OVCH2: variants seen among roughly 807,000 people sequenced by gnomAD.
The protein encoded by OVCH2 is ovochymase-2.
Under a neutral mutation model 73.7 loss-of-function variants are expected in OVCH2, and 88 were observed. The ratio of observed to expected loss-of-function variants is 1.19; its 90% CI spans 1.01 to 1.43. OVCH2 has a LOEUF of 1.43. Among genes scored for constraint, OVCH2 ranks in the 40% most tolerant of loss-of-function variants. The pLI, the probability that OVCH2 is intolerant of heterozygous loss-of-function variation, is 0.00. For synonymous variants in OVCH2, 265 were observed against 234.5 expected (o/e 1.13, Z -1.19); for missense variants, 706 against 674.5 (o/e 1.05, Z -0.52).
chr11:7,696,733 A>G lies in OVCH2; in HGVS notation c.992T>C (p.Leu331Pro), dbSNP rs1209970953. Residue 331 changes from leucine to proline, a missense_variant, in exon 9 of 16, where the codon CTC becomes CCC. Transcript: ENST00000533663. Reference sequence around the variant, plus strand: ...CTGCTTGCTCTCATAATATAGGTGGAGGCTTTCTGGGAAGTGCAGCTTCCC... The same window carrying G: ...CTGCTTGCTCTCATAATATAGGTGGGGGCTTTCTGGGAAGTGCAGCTTCCC... Reference protein sequence around the residue: ...AEGKLHFPESLHLYYESKQRC... With the variant: ...AEGKLHFPESPHLYYESKQRC... 6.2e-7 allele frequency: 1 copy of G among 1,613,578 alleles called. No homozygotes were observed. Among genetic ancestry groups the G allele is most frequent in the East Asian group, 2.2e-5 (1 of 44,860 alleles).
At chr11:7,684,190 A>T in the OVCH2 span, among the ~76,000 whole-genome samples, 1 of 152,098 alleles carries the variant, frequency 6.6e-6, no homozygotes, top group Non-Finnish European at 1.5e-5. Flanking sequence ...ACCTTTCTTG[A>T]CCATCAAAAA....
downstream of OVCH2, among the ~76,000 whole-genome samples, chr11:7,687,338 T>TAATAAA (rs1555012746): frequency 2.0e-5 from 3 of 147,054 alleles, no homozygotes; most frequent in Admixed American, 6.9e-5. Context: ...ATAATAATAA[T>TAATAAA]AATAAAGCCT....
chr11:7,684,549 G>A (rs1157650293), downstream of OVCH2, among the ~76,000 whole-genome samples: 6 of 143,252 alleles, frequency 4.2e-5, no homozygotes, highest in East Asian at 2.1e-4. Flanking sequence ...TGTGTATTAC[G>A]GTTCTTAAAT....
rs1268457135 is a variant in OVCH2 at position 7,691,341 on chromosome 11, T to G, written c.1567A>C (p.Ile523Leu). The G allele has an allele frequency of 6.8e-6, 11 of 1,613,772 alleles. No individual in the cohort carries two copies. Among genetic ancestry groups the G allele is most frequent in the Non-Finnish European group, 9.3e-6 (11 of 1,179,862 alleles). ...CCGTTTTCATCTGATTGGAAGCTGATGAGCATGATGCTGGAGGGGCTCAGC... is the reference window on the plus strand; with the variant it reads ...CCGTTTTCATCTGATTGGAAGCTGAGGAGCATGATGCTGGAGGGGCTCAGC... ...PVLSPSSIML[I>L]SFQSDENGTC... Residue 523 changes from isoleucine to leucine, a missense_variant, in exon 14 of 16, where the codon ATC becomes CTC. Ile to Leu is a conservative substitution (Grantham distance 5, BLOSUM62 2). Coordinates refer to ENST00000533663, the MANE Select transcript of OVCH2 (RefSeq NM_198185.7).
downstream of OVCH2, among the ~76,000 whole-genome samples, chr11:7,688,443 C>T (rs544639907): frequency 8.5e-5 from 13 of 152,132 alleles, no homozygotes; most frequent in African/African-American, 2.2e-4. Flanking sequence ...CCCTGGTGGC[C>T]GAGAGAAGGA....
intron 5 of OVCH2, 103 bp from the exon 6 acceptor site, chr11:7,701,578 T>C (rs1856438440): frequency 4.0e-6 from 6 of 1,487,472 alleles, no homozygotes; most frequent in East Asian, 2.4e-5. Flanking sequence ...CTTGAATTTC[T>C]AAGTACAATG....
intron 6 of OVCH2, 57 bp downstream of exon 6, chr11:7,701,267 A>C: frequency 2.6e-6 from 4 of 1,539,780 alleles, no homozygotes; most frequent in Non-Finnish European, 3.5e-6. Flanking sequence ...AACTAGAAGA[A>C]AACAAAACCA....
Position 7,691,278 on chromosome 11 carries a change from G to A in OVCH2, c.1630C>T (p.Pro544Ser). The A allele has an allele frequency of 6.2e-7, 1 of 1,611,270 alleles. No homozygotes were observed. Among genetic ancestry groups the A allele is most frequent in the South Asian group, 1.1e-5 (1 of 90,482 alleles). The part of the protein sequence containing the change: ...RGFQATVSFI[P>S]KAVYPDLNIS... The stretch of plus-strand genomic sequence containing the variant: ...AACTCTATCTTCTTACCTGCTTTAG[G>A]AATGAAGGAGACTGTAGCCTGAAAG... Residue 544 changes from proline to serine, a missense_variant, in exon 14 of 16, where the codon CCT (proline) becomes TCT (serine). Physicochemically the swap from Pro to Ser is moderately conservative, Grantham distance 74. Transcript: ENST00000533663.
chr11:7,706,444 A>G lies in OVCH2; in HGVS notation c.-50T>C. ...AAATTTTAGAGAGACTAAAGCAAAC[A>G]AAAATAGGAAGCCTTGAGAGACCAG... On this transcript the variant is annotated 5_prime_UTR_variant, in exon 1 of 16. Transcript: ENST00000533663. 1 of 1,525,132 alleles carries G rather than the reference A, an allele frequency of 6.6e-7. No homozygotes were observed. The highest frequency in any genetic ancestry group is 8.8e-7 in the Non-Finnish European group (1 of 1,139,256). 94.5% of individuals were successfully genotyped at this position (1,525,132 alleles called of 1,614,324 possible). A position where few individuals can be genotyped will look rare whatever the true frequency, so the allele number is the denominator to read the frequency against.
Position 7,701,797 on chromosome 11 carries a change from G to GC in OVCH2, c.477dup (p.Pro160AlafsTer12). 2 of 1,611,070 alleles carry GC rather than the reference G, an allele frequency of 1.2e-6. No homozygotes were observed. On this transcript the variant is annotated frameshift_variant, in exon 5 of 16. Coordinates refer to ENST00000533663, the MANE Select transcript of OVCH2 (RefSeq NM_198185.7). LOFTEE classifies it high-confidence loss of function. ...TCCCGCAGCTCTGGAAGACATATGG[G>GC]CCCCACAAAGTGGCCTGAAGAAAAG...
Position 7,691,299 on chromosome 11 carries a change from G to A in OVCH2, c.1609C>T (p.Gln537Ter). The A allele has an allele frequency of 6.2e-7, 1 of 1,613,534 alleles. No individual in the cohort carries two copies. The highest frequency in any genetic ancestry group is 8.5e-7 in the Non-Finnish European group (1 of 1,179,750). Residue 537 changes from glutamine (Q) to a stop codon, truncating the protein, a stop_gained, in exon 14 of 16, where the codon CAG becomes TAG. Coordinates refer to ENST00000533663, the MANE Select transcript of OVCH2 (RefSeq NM_198185.7). LOFTEE classifies it high-confidence loss of function. ...SDENGTCRGFQATVSFIPKAV... is the reference protein window; with the variant it reads ...SDENGTCRGF Reference sequence around the variant, plus strand: ...TTAGGAATGAAGGAGACTGTAGCCTGAAAGCCCCTGCAGGTCCCGTTTTCA... The same window carrying A: ...TTAGGAATGAAGGAGACTGTAGCCTAAAAGCCCCTGCAGGTCCCGTTTTCA...
intron 12 of OVCH2, among the ~76,000 whole-genome samples, chr11:7,694,618 T>TTTTG (rs915346186): frequency 4.3e-5 from 1 of 23,474 alleles, no homozygotes; most frequent in African/African-American, 1.3e-4. Context: ...TTTTGTTTTG[T>TTTTG]TTTGTTTTGT....
chr11:7,690,653 AC>A, intron 14 of OVCH2, among the ~76,000 whole-genome samples: 1 of 152,276 alleles, frequency 6.6e-6, no homozygotes, highest in East Asian at 1.9e-4. Context: ...GTGAAGAGTG[AC>A]AAAAAATACA....
At chr11:7,684,487 T>TATACAC (rs148272247), downstream of OVCH2, among the ~76,000 whole-genome samples, 7 of 143,426 alleles carry the variant, frequency 4.9e-5, no homozygotes, top group East Asian at 2.0e-4. Context: ...TATATATATA[T>TATACAC]ACACACACAT....
chr11:7,689,515 CTCTG>C lies in OVCH2; in HGVS notation c.*115_*118del, dbSNP rs1856179389. The C allele has an allele frequency of 2.5e-6, 1 of 397,432 alleles. No individual in the cohort carries two copies. Among genetic ancestry groups the C allele is most frequent in the South Asian group, 1.9e-5 (1 of 53,132 alleles). 24.6% of individuals were successfully genotyped at this position (397,432 alleles called of 1,614,324 possible). A position where few individuals can be genotyped will look rare whatever the true frequency, so the allele number is the denominator to read the frequency against. On this transcript the variant is annotated 3_prime_UTR_variant, in exon 16 of 16. Transcript: ENST00000533663. Reference sequence around the variant, plus strand: ...AAGATCAACGTGTCAGCAGGGATGGCTCTGTCTGAGGGCTGTGACGAGGAGTCTG... The same window carrying C: ...AAGATCAACGTGTCAGCAGGGATGGCTCTGAGGGCTGTGACGAGGAGTCTG...
downstream of OVCH2, among the ~76,000 whole-genome samples, chr11:7,684,504 ATATG>A (rs1221542451): frequency 5.5e-5 from 5 of 91,472 alleles, no homozygotes; most frequent in Non-Finnish European, 1.0e-4. Context: ...ACATACATAC[ATATG>A]TGTGTGTGTG....
chr11:7,704,320 A>G (rs1397876256), intron 2 of OVCH2, among the ~76,000 whole-genome samples: 2 of 151,772 alleles, frequency 1.3e-5, no homozygotes, highest in Non-Finnish European at 2.9e-5. Flanking sequence ...TCTTTACCCT[A>G]CCTCTCCAAT....
Position 7,700,316 on chromosome 11 carries a change from A to G in OVCH2, c.881T>C (p.Ile294Thr). 1.2e-6 allele frequency: 2 copies of G among 1,613,752 alleles called. No homozygotes were observed. The highest frequency in any genetic ancestry group is 1.7e-6 in the Non-Finnish European group (2 of 1,179,800). ...GTTACCAGTTTGGATGTGTTCGTGGATCCAGGGAAGCACTTTACTAATGTC... is the reference window on the plus strand; with the variant it reads ...GTTACCAGTTTGGATGTGTTCGTGGGTCCAGGGAAGCACTTTACTAATGTC... Reference protein sequence around the residue: ...FTDISKVLPWIHEHIQTGNRR... With the variant: ...FTDISKVLPWTHEHIQTGNRR... The change falls in exon 7 of 16, where the codon ATC becomes ACC. Residue 294 changes from isoleucine (I) to threonine (T), a missense_variant. Physicochemically the swap from Ile to Thr is moderately conservative, Grantham distance 89 (BLOSUM62 -1). Transcript: ENST00000533663.
chr11:7,690,882 G>T (rs566288956), intron 14 of OVCH2, among the ~76,000 whole-genome samples: 1 of 152,214 alleles, frequency 6.6e-6, no homozygotes, highest in East Asian at 1.9e-4. Flanking sequence ...ACTCTGTGGT[G>T]TGCCTCACAT....
Sources: gnomAD v4.1 joint callset for allele counts (sites outside exome capture counted in the v4.1 genomes callset) on GRCh38, gnomAD v4.1.1 for gene constraint, MANE v1.5 for transcripts, NCBI Gene and HGNC (gene_info 2026-07-23, HGNC 2026-07-21) for gene names.